ADAMTSL1: variants seen among roughly 807,000 people sequenced by gnomAD.
ADAMTSL1 encodes ADAMTS like 1.
Under a neutral mutation model 201.8 loss-of-function variants are expected in ADAMTSL1, and 126 were observed. The observed-to-expected ratio is 0.62, with a 90% CI of 0.54 to 0.72. ADAMTSL1 has a LOEUF of 0.72. Ranked by LOEUF, ADAMTSL1 falls within the 30% of genes least tolerant of loss-of-function variation. The probability of loss-of-function intolerance (pLI) is 0.00; values close to 1 mark genes in which losing one functional copy is unlikely to be tolerated. For missense variants in ADAMTSL1, 2,679 were observed against 2,277.8 expected (o/e 1.18, Z -3.59); for synonymous variants, 1,121 against 903.4 (o/e 1.24, Z -4.32).
rs773347156 is a variant in ADAMTSL1, at chr9:18,892,568, T to G, written c.4823T>G (p.Val1608Gly). 2 of 1,570,444 alleles carry G rather than the reference T, an allele frequency of 1.3e-6. No individual in the cohort carries two copies. The highest frequency in any genetic ancestry group is 1.7e-6 in the Non-Finnish European group (2 of 1,157,430). The change falls in exon 26 of 29, where the codon GTG becomes GGG. Residue 1608 changes from valine (V) to glycine (G), a missense_variant. Val to Gly is a moderately radical substitution (Grantham distance 109, BLOSUM62 -3). Coordinates refer to ENST00000380548, the MANE Select transcript of ADAMTSL1 (RefSeq NM_001040272.6). ...CAGGCCTGTAACCAGCAGCTGTGTG[T>G]GGAGTGGGCCTTCTCCAGCTGGGGC... The part of the protein sequence containing the change: ...DTQACNQQLC[V>G]EWAFSSWGQC...
At chr9:18,681,682 C>A in intron 11 of ADAMTSL1, 130 bp from the exon 12 acceptor site, 3 of 604,798 alleles carry the variant, frequency 5.0e-6, no homozygotes, top group Non-Finnish European at 7.5e-6. Flanking sequence ...TATAAATTTA[C>A]CAGGAGTCCT....
At chr9:18,221,854 TTA>T (rs1416924010) in intron 2 of ADAMTSL1, among the ~76,000 whole-genome samples, 4 of 152,086 alleles carry the variant, frequency 2.6e-5, no homozygotes, top group Non-Finnish European at 5.9e-5. Context: ...GTTGTTTTAT[TTA>T]TGTCTTTTTG....
chr9:18,210,841 C>G (rs1829844278), intron 2 of ADAMTSL1, among the ~76,000 whole-genome samples: 1 of 151,648 alleles, frequency 6.6e-6, no homozygotes, highest in Admixed American at 6.6e-5. Flanking sequence ...AGTGCCTGGC[C>G]AGGTATTATG....
At chr9:18,847,329 A>G (rs1383132483) in intron 23 of ADAMTSL1, among the ~76,000 whole-genome samples, 1 of 152,202 alleles carries the variant, frequency 6.6e-6, no homozygotes, top group African/African-American at 2.4e-5. Context: ...CCATGCACTG[A>G]TACAACAGAC....
chr9:18,188,198 C>G (rs1828818557), intron 2 of ADAMTSL1, among the ~76,000 whole-genome samples: 1 of 152,182 alleles, frequency 6.6e-6, no homozygotes, highest in Non-Finnish European at 1.5e-5. Flanking sequence ...CCCCCCAACA[C>G]ATACATTCAT....
chr9:18,094,719 C>G (rs1824168415), intron 1 of ADAMTSL1, among the ~76,000 whole-genome samples: 2 of 152,046 alleles, frequency 1.3e-5, no homozygotes, highest in African/African-American at 4.8e-5. Flanking sequence ...CGCCACCATG[C>G]CCAGCTAATT....
rs189451048 is a variant in ADAMTSL1, at chr9:18,133,588, C to T, written c.88-30274C>T. Among the ~76,000 whole-genome samples, 58 of 152,158 alleles carry T rather than the reference C, an allele frequency of 3.8e-4. 1 individual carries two copies. Among genetic ancestry groups the T allele is most frequent in the Non-Finnish European group, 6.9e-4 (47 of 68,016 alleles). ...ACTAACTGATGTTCAGGCTGTATAC[C>T]ACGAGCTTTTGATTCTGTTGGCCTG... On this transcript the variant is annotated intron_variant, in intron 1 of 29. Transcript: ENST00000680146.
chr9:18,436,116 G>T (rs919125096), intron 2 of ADAMTSL1, among the ~76,000 whole-genome samples: 1 of 152,200 alleles, frequency 6.6e-6, no homozygotes, highest in South Asian at 2.1e-4. Context: ...GGGCACCCTG[G>T]AGGGTTTGCA....
At chr9:18,007,167 C>T (rs1465620042) in intron 1 of ADAMTSL1, among the ~76,000 whole-genome samples, 3 of 151,942 alleles carry the variant, frequency 2.0e-5, no homozygotes, top group Admixed American at 6.6e-5. Flanking sequence ...ACAGTTTAAG[C>T]CAGGTTCCTC....
chr9:18,395,506 G>A (rs141795244), intron 2 of ADAMTSL1, among the ~76,000 whole-genome samples: 1,566 of 152,284 alleles, frequency 0.01, 15 homozygotes, highest in Middle Eastern at 0.02. Context: ...AAGCCTTGAG[G>A]ATTTGCACTT....
At chr9:18,888,435 G>C (rs566849603) in intron 24 of ADAMTSL1, among the ~76,000 whole-genome samples, 1 of 152,340 alleles carries the variant, frequency 6.6e-6, no homozygotes, top group South Asian at 2.1e-4. Flanking sequence ...TGGAGAGACA[G>C]GCCTGATGCC....
chr9:18,583,316 G>A (rs1162503209), intron 4 of ADAMTSL1, among the ~76,000 whole-genome samples: 6 of 152,142 alleles, frequency 3.9e-5, no homozygotes, highest in Admixed American at 3.9e-4. Context: ...TAGCTTCAGA[G>A]GGTGCAAGCC....
intron 20 of ADAMTSL1, among the ~76,000 whole-genome samples, chr9:18,800,999 GA>G (rs1822760416): frequency 6.6e-6 from 1 of 152,174 alleles, no homozygotes; most frequent in African/African-American, 2.4e-5. Context: ...TCTGAATATT[GA>G]AAGAGAATGG....
At chr9:18,770,162 G>A (rs1229012766) in intron 16 of ADAMTSL1, among the ~76,000 whole-genome samples, 4 of 152,156 alleles carry the variant, frequency 2.6e-5, no homozygotes, top group African/African-American at 9.7e-5. Context: ...TTAGAGAAAG[G>A]GCTGTCTTTT....
intron 15 of ADAMTSL1, among the ~76,000 whole-genome samples, chr9:18,751,233 G>A (rs535881165): frequency 6.6e-6 from 1 of 152,232 alleles, no homozygotes; most frequent in Non-Finnish European, 1.5e-5. Context: ...TTTACACAAG[G>A]ATCTAAAAGA....
chr9:17,957,091 A>G (rs1827962199), intron 1 of ADAMTSL1, among the ~76,000 whole-genome samples: 1 of 152,202 alleles, frequency 6.6e-6, no homozygotes, highest in Non-Finnish European at 1.5e-5. Flanking sequence ...ACGCTCCGGT[A>G]TTGTCAATTT....
At chr9:18,423,384 G>T (rs1025468738) in intron 2 of ADAMTSL1, among the ~76,000 whole-genome samples, 8 of 152,268 alleles carry the variant, frequency 5.3e-5, no homozygotes, top group African/African-American at 1.9e-4. Flanking sequence ...ATAATCCTGA[G>T]TCTCTGGTCC....
At chr9:18,011,155 A>G (rs990579482) in intron 1 of ADAMTSL1, among the ~76,000 whole-genome samples, 3 of 152,018 alleles carry the variant, frequency 2.0e-5, no homozygotes, top group African/African-American at 7.2e-5. Context: ...CTAGCCTAGA[A>G]CTAATTTTGG....
chr9:18,392,392 T>G (rs1838089454), intron 2 of ADAMTSL1, among the ~76,000 whole-genome samples: 1 of 152,216 alleles, frequency 6.6e-6, no homozygotes, highest in Admixed American at 6.5e-5. Context: ...AAGCTTTCTA[T>G]AGTTCAAACT....
Sources: gnomAD v4.1 joint callset for allele counts (sites outside exome capture counted in the v4.1 genomes callset) on GRCh38, gnomAD v4.1.1 for gene constraint, MANE v1.5 for transcripts, NCBI Gene and HGNC (gene_info 2026-07-23, HGNC 2026-07-21) for gene names.